Variants in AGPS observed in about 807,000 individuals in gnomAD.
AGPS encodes the protein alkyldihydroxyacetonephosphate synthase, peroxisomal.
Under a neutral mutation model 90.7 loss-of-function variants are expected in AGPS, and 26 were observed. The ratio of observed to expected loss-of-function variants is 0.29; its 90% CI spans 0.21 to 0.40. The LOEUF (loss-of-function observed/expected upper bound fraction) is 0.40. AGPS is among the 10% of genes least tolerant of loss of function. AGPS has a pLI of 1.00. For synonymous variants in AGPS, 294 were observed against 285.3 expected, an observed-to-expected ratio of 1.03 and a Z score of -0.31; for missense variants, 540 against 816.1, an observed-to-expected ratio of 0.66 and a Z score of 4.12.
chr2:177,494,365 A>G (rs998496369), intron 12 of AGPS, among the ~76,000 whole-genome samples: 3 of 152,246 alleles, frequency 2.0e-5, no homozygotes, highest in African/African-American at 7.2e-5. Flanking sequence ...ACTACTGACA[A>G]AAGTTTAAGA....
At chr2:177,457,055 A>G (rs1338611120) in intron 8 of AGPS, among the ~76,000 whole-genome samples, 1 of 152,242 alleles carries the variant, frequency 6.6e-6, no homozygotes, top group Non-Finnish European at 1.5e-5. Flanking sequence ...AAACCGCACA[A>G]CTACTTGAAA....
At position 177,543,306 on chromosome 2, in the gene AGPS, G is replaced by C. The variant is rs1314977800; in HGVS notation, c.*5111G>C. On this transcript the variant is annotated 3_prime_UTR_variant, in exon 20 of 20. Transcript: ENST00000264167. ...TGTCAGTCCTTTTTCGTGTGATGGT[G>C]CCTTCAGAATAACGAATATTTCTGT... The C allele has an allele frequency of 6.6e-6, 1 of 152,162 alleles. No homozygotes were observed. The highest frequency in any genetic ancestry group is 1.9e-4 in the East Asian group (1 of 5,196). The allele number at this position is 152,162 out of a possible 1,614,324, so 9.4% of individuals were successfully genotyped here. A position where few individuals can be genotyped will look rare whatever the true frequency, so the allele number is the denominator to read the frequency against.
chr2:177,506,084 CTTA>C (rs769508039), intron 15 of AGPS, among the ~76,000 whole-genome samples: 4 of 151,746 alleles, frequency 2.6e-5, no homozygotes, highest in African/African-American at 9.7e-5. Context: ...CTGAAATAGT[CTTA>C]TTATCTCAAG....
intron 2 of AGPS, among the ~76,000 whole-genome samples, chr2:177,429,957 G>A (rs1686191302): frequency 6.6e-6 from 1 of 152,222 alleles, no homozygotes; most frequent in South Asian, 2.1e-4. Flanking sequence ...CCCAGGGAGA[G>A]ATCAGAGTTC....
At chr2:177,486,438 G>GA (rs1330955941) in intron 11 of AGPS, among the ~76,000 whole-genome samples, 1 of 151,906 alleles carries the variant, frequency 6.6e-6, no homozygotes, top group Non-Finnish European at 1.5e-5. Flanking sequence ...CAGAAAAATT[G>GA]AAAAAATCAG....
intron 19 of AGPS, among the ~76,000 whole-genome samples, chr2:177,530,968 T>A (rs115003707): frequency 0.057 from 8,607 of 152,238 alleles, 263 homozygotes; most frequent in Middle Eastern, 0.085. Context: ...GTCAGGAAGT[T>A]AAAAACCTTG....
In AGPS at chr2:177,419,134, A is replaced by G. The variant is rs114317411; in HGVS notation, c.261-1135A>G. ...TTTCAGCTCATAATTAATTACCTGTATCTGGCTTAGTTGTATTATGTTCAT... is the reference window on the plus strand; with the variant it reads ...TTTCAGCTCATAATTAATTACCTGTGTCTGGCTTAGTTGTATTATGTTCAT... On this transcript the variant is annotated intron_variant, in intron 1 of 19. Coordinates refer to ENST00000264167, the MANE Select transcript of AGPS (RefSeq NM_003659.4). 5.0e-3 allele frequency among the ~76,000 whole-genome samples: 760 copies of G among 152,000 alleles called. 7 individuals are homozygous for G. Among genetic ancestry groups the G allele is most frequent in the Non-Finnish European group, 8.0e-3 (540 of 67,762 alleles).
intron 14 of AGPS, among the ~76,000 whole-genome samples, chr2:177,503,102 TTA>T (rs1367615849): frequency 1.3e-5 from 2 of 152,186 alleles, no homozygotes; most frequent in Non-Finnish European, 2.9e-5. Context: ...TAGAGCATTT[TTA>T]TGTGTTGTCT....
chr2:177,465,892 T>A (rs1489194331), intron 9 of AGPS, among the ~76,000 whole-genome samples: 2 of 152,266 alleles, frequency 1.3e-5, no homozygotes. Flanking sequence ...TCAGCCCTGT[T>A]TGTGTTACAG....
At chr2:177,442,735 T>G (rs1258872373) in intron 7 of AGPS, among the ~76,000 whole-genome samples, 1 of 148,940 alleles carries the variant, frequency 6.7e-6, no homozygotes, top group Non-Finnish European at 1.5e-5. Flanking sequence ...TAATCCCAGC[T>G]ACTTGGGAGG....
chr2:177,459,534 A>C (rs1265383156), intron 8 of AGPS, among the ~76,000 whole-genome samples: 2 of 152,262 alleles, frequency 1.3e-5, no homozygotes, highest in Non-Finnish European at 2.9e-5. Context: ...TCTCAAAAGA[A>C]GACATTTATG....
chr2:177,503,929 A>G (rs181515687), intron 14 of AGPS, among the ~76,000 whole-genome samples: 4 of 152,258 alleles, frequency 2.6e-5, no homozygotes, highest in Middle Eastern at 3.4e-3. Flanking sequence ...ACTGCCAGAT[A>G]TTAGAAATAT....
chr2:177,414,948 T>A lies in AGPS; in HGVS notation c.261-5321T>A, dbSNP rs1040984538. Among the ~76,000 whole-genome samples the A allele has an allele frequency of 8.3e-5, 12 of 144,190 alleles. No homozygotes were observed. In the Admixed American group the frequency reaches 8.6e-4, roughly 10 times the overall value. 94.6% of individuals were successfully genotyped at this position (144,190 alleles called of 152,430 possible). On this transcript the variant is annotated intron_variant, in intron 1 of 19. Coordinates refer to ENST00000264167, the MANE Select transcript of AGPS (RefSeq NM_003659.4). ...TAATGTATATAATATACATATATGA[T>A]GAATGCATTATAAATAATATATCTG...
chr2:177,520,575 C>T (rs545849499), intron 17 of AGPS, among the ~76,000 whole-genome samples: 1 of 152,236 alleles, frequency 6.6e-6, no homozygotes, highest in East Asian at 1.9e-4. Context: ...ATATGGAGCT[C>T]ATTGTGTGGT....
intron 8 of AGPS, among the ~76,000 whole-genome samples, chr2:177,452,853 G>A (rs999101328): frequency 3.3e-5 from 5 of 151,734 alleles, no homozygotes; most frequent in Non-Finnish European, 7.4e-5. Flanking sequence ...AGGATTTGAA[G>A]TATACATCTT....
At chr2:177,458,366 A>T (rs534043551) in intron 8 of AGPS, among the ~76,000 whole-genome samples, 9 of 152,210 alleles carry the variant, frequency 5.9e-5, no homozygotes, top group Admixed American at 1.3e-4. Flanking sequence ...AAAGAAATAA[A>T]GCGTATTCAA....
intron 12 of AGPS, among the ~76,000 whole-genome samples, chr2:177,495,759 A>AAT (rs1374484174): frequency 6.6e-6 from 1 of 150,456 alleles, no homozygotes; most frequent in Admixed American, 6.6e-5. Context: ...AAAAAAAAAA[A>AAT]ATACAAAAAT....
At chr2:177,537,596 T>G (rs962726513) in intron 19 of AGPS, among the ~76,000 whole-genome samples, 1 of 152,144 alleles carries the variant, frequency 6.6e-6, no homozygotes, top group South Asian at 2.1e-4. Flanking sequence ...TCAAATTTTC[T>G]TATTATTTGA....
At chr2:177,523,019 C>A (rs1285530117) in intron 18 of AGPS, among the ~76,000 whole-genome samples, 1 of 152,138 alleles carries the variant, frequency 6.6e-6, no homozygotes, top group Non-Finnish European at 1.5e-5. Flanking sequence ...CTTTTCCTAC[C>A]TGTGTCCTCT....
Sources: gnomAD v4.1 joint callset for allele counts (sites outside exome capture counted in the v4.1 genomes callset) on GRCh38, gnomAD v4.1.1 for gene constraint, MANE v1.5 for transcripts, NCBI Gene and HGNC (gene_info 2026-07-23, HGNC 2026-07-21) for gene names.